Variants in PAPPA2 observed in about 807,000 individuals in gnomAD.
The protein encoded by PAPPA2 is pappalysin-2.
Under a neutral mutation model 176.4 loss-of-function variants are expected in PAPPA2, and 86 were observed. The ratio of observed to expected loss-of-function variants is 0.49; its 90% CI spans 0.41 to 0.58. The LOEUF is 0.58. Among genes scored for constraint, PAPPA2 ranks in the 20% least tolerant of loss-of-function variants. The pLI, the probability that PAPPA2 is intolerant of heterozygous loss-of-function variation, is 0.00. For missense variants in PAPPA2, 2,073 were observed against 2,256.9 expected, an observed-to-expected ratio of 0.92 and a Z score of 1.65; for synonymous variants, 809 against 852.2, an observed-to-expected ratio of 0.95 and a Z score of 0.88.
chr1:176,466,837 A>G (rs920470477), intron 1 of PAPPA2, among the ~76,000 whole-genome samples: 4 of 152,128 alleles, frequency 2.6e-5, no homozygotes, highest in Non-Finnish European at 1.5e-5. Flanking sequence ...GAGGGAGAAA[A>G]AGAGTTTCCA....
intron 3 of PAPPA2, among the ~76,000 whole-genome samples, chr1:176,643,197 T>G (rs1167962590): frequency 6.6e-6 from 1 of 151,842 alleles, no homozygotes; most frequent in Non-Finnish European, 1.5e-5. Context: ...AAAATTGAGG[T>G]GCAAAGGGGT....
chr1:176,721,300 T>C (rs1661603626), intron 12 of PAPPA2, among the ~76,000 whole-genome samples: 1 of 152,218 alleles, frequency 6.6e-6, no homozygotes, highest in African/African-American at 2.4e-5. Flanking sequence ...TTAGAATGCT[T>C]TTCCTGCATT....
chr1:176,753,596 T>A (rs993090857), intron 14 of PAPPA2, among the ~76,000 whole-genome samples: 36 of 147,196 alleles, frequency 2.4e-4, no homozygotes, highest in Non-Finnish European at 4.8e-4. Flanking sequence ...AGGGAGTGCA[T>A]TTTAAAGCAT....
intron 1 of PAPPA2, among the ~76,000 whole-genome samples, chr1:176,466,153 A>G (rs994839728): frequency 6.6e-6 from 1 of 152,134 alleles, no homozygotes; most frequent in Non-Finnish European, 1.5e-5. Context: ...ATTATTTTCT[A>G]TATAAAAACT....
At chr1:176,484,394 C>T (rs777966082) in intron 1 of PAPPA2, among the ~76,000 whole-genome samples, 15 of 152,164 alleles carry the variant, frequency 9.9e-5, no homozygotes, top group Non-Finnish European at 2.1e-4. Context: ...ATGTGTGACA[C>T]TAATTTTGGG....
In PAPPA2 at chr1:176,594,814, C is replaced by A. The variant is rs376921585; in HGVS notation, c.1210C>A (p.Arg404Ser). 1.9e-6 allele frequency: 3 copies of A among 1,614,116 alleles called. No individual in the cohort carries two copies. The highest frequency in any genetic ancestry group is 2.2e-5 in the East Asian group (1 of 44,884). ...PLNSPFMASC[R>S]SLLLGGDSSE... ...GAACAGCCCCTTCATGGCATCTTGC[C>A]GCTCTTTGCTCCTGGGGGGAGACAG... Residue 404 changes from arginine (R) to serine (S), a missense_variant, in exon 3 of 23, where the codon CGC becomes AGC. By Grantham distance (110) the Arg-to-Ser change is moderately radical. Around this residue, in one of 4 missense-constraint regions of PAPPA2, gnomAD observed 1,196 missense variants for 1,330.4 expected, o/e 0.90. Coordinates refer to ENST00000367662, the MANE Select transcript of PAPPA2 (RefSeq NM_020318.3).
chr1:176,773,459 G>T (rs1664323346), intron 17 of PAPPA2, among the ~76,000 whole-genome samples: 1 of 152,192 alleles, frequency 6.6e-6, no homozygotes, highest in Non-Finnish European at 1.5e-5. Context: ...AATCAATCCA[G>T]AGAGAATGGG....
chr1:176,764,401 G>A (rs1663841819), intron 14 of PAPPA2, among the ~76,000 whole-genome samples: 4 of 152,148 alleles, frequency 2.6e-5, no homozygotes, highest in Admixed American at 2.0e-4. Context: ...ACTCTGTGAG[G>A]TTGCCATAAT....
intron 2 of PAPPA2, among the ~76,000 whole-genome samples, chr1:176,581,415 T>G (rs1206420452): frequency 6.6e-6 from 1 of 152,202 alleles, no homozygotes; most frequent in Non-Finnish European, 1.5e-5. Context: ...GCTTTGTTCT[T>G]TTTGCTCGGG....
At chr1:176,469,649 A>C (rs1474120543) in intron 1 of PAPPA2, among the ~76,000 whole-genome samples, 1 of 152,216 alleles carries the variant, frequency 6.6e-6, no homozygotes, top group African/African-American at 2.4e-5. Flanking sequence ...AACTGGCCTC[A>C]GTGACTGCTT....
intron 2 of PAPPA2, among the ~76,000 whole-genome samples, chr1:176,565,199 C>G (rs964176770): frequency 6.6e-6 from 1 of 152,010 alleles, no homozygotes; most frequent in African/African-American, 2.4e-5. Flanking sequence ...TGGTTGTTTC[C>G]ACTTTTTGGC....
At chr1:176,516,108 A>G (rs1243708094) in intron 1 of PAPPA2, among the ~76,000 whole-genome samples, 5 of 152,114 alleles carry the variant, frequency 3.3e-5, no homozygotes, top group African/African-American at 4.8e-5. Context: ...GACACCCACA[A>G]TTGGGAAGAG....
intron 3 of PAPPA2, among the ~76,000 whole-genome samples, chr1:176,650,922 A>T (rs1657685287): frequency 6.6e-6 from 1 of 151,750 alleles, no homozygotes; most frequent in South Asian, 2.1e-4. Context: ...TCTTATAGAT[A>T]TAACAAGTTA....
chr1:176,533,930 A>G (rs1390761927), intron 1 of PAPPA2, among the ~76,000 whole-genome samples: 5 of 152,236 alleles, frequency 3.3e-5, no homozygotes, highest in Non-Finnish European at 1.5e-5. Context: ...AGTGTAAAAT[A>G]CACACCAGAT....
At chr1:176,767,729 G>A (rs998134320) in intron 15 of PAPPA2, among the ~76,000 whole-genome samples, 1 of 152,132 alleles carries the variant, frequency 6.6e-6, no homozygotes, top group African/African-American at 2.4e-5. Flanking sequence ...TATCATCTGG[G>A]CTGGGAGAAG....
chr1:176,829,504 T>C (rs1667004060), intron 21 of PAPPA2, among the ~76,000 whole-genome samples: 1 of 152,206 alleles, frequency 6.6e-6, no homozygotes, highest in Admixed American at 6.5e-5. Context: ...TGGAACATTC[T>C]GGTCACCAGC....
chr1:176,510,376 C>G (rs1648522398), intron 1 of PAPPA2, among the ~76,000 whole-genome samples: 1 of 152,012 alleles, frequency 6.6e-6, no homozygotes. Flanking sequence ...CAGAACAGAA[C>G]AAGAAAATTA....
In PAPPA2 at chr1:176,683,272, G is replaced by C. The variant is rs137915236; in HGVS notation, c.2138-6865G>C. On this transcript the variant is annotated intron_variant, in intron 4 of 22. Coordinates refer to ENST00000367662, the MANE Select transcript of PAPPA2 (RefSeq NM_020318.3). ...ACACAACAATTCTCTTATTGTTTTG[G>C]CTTGTCTTTTGTAATCAAGGCTGAA... Among the ~76,000 whole-genome samples, 456 of 152,008 alleles carry C rather than the reference G, an allele frequency of 3.0e-3. 4 individuals carry two copies. The highest frequency in any genetic ancestry group is 0.011 in the African/African-American group (443 of 41,468).
intron 1 of PAPPA2, among the ~76,000 whole-genome samples, chr1:176,489,935 A>AT (rs1321859627): frequency 1.3e-5 from 2 of 152,202 alleles, no homozygotes; most frequent in African/African-American, 4.8e-5. Context: ...TATTCAATAA[A>AT]TATTTGTCAG....
Sources: gnomAD v4.1 joint callset for allele counts (sites outside exome capture counted in the v4.1 genomes callset) on GRCh38, gnomAD v4.1.1 for gene constraint, gnomAD v4.1.1 regional missense constraint, MANE v1.5 for transcripts, NCBI Gene and HGNC (gene_info 2026-07-23, HGNC 2026-07-21) for gene names.